The following CRPPA variants were observed in gnomAD, a reference collection of about 807,000 sequenced individuals.
CRPPA encodes CDP-L-ribitol pyrophosphorylase A.
Under a neutral mutation model 52.0 loss-of-function variants are expected in CRPPA, and 43 were observed. The observed-to-expected ratio is 0.83, with a 90% confidence interval of 0.65 to 1.07. The LOEUF is 1.07. Among genes scored for constraint, CRPPA ranks in the 50% least tolerant of loss-of-function variants. The pLI is 0.00. For synonymous variants in CRPPA, 250 were observed against 203.5 expected, an observed-to-expected ratio of 1.23 and a Z score of -1.94; for missense variants, 629 against 551.7, an observed-to-expected ratio of 1.14 and a Z score of -1.40.
intron 9 of CRPPA, among the ~76,000 whole-genome samples, chr7:16,160,209 G>A (rs1213562414): frequency 6.6e-6 from 1 of 152,112 alleles, no homozygotes; most frequent in Admixed American, 6.6e-5. Context: ...TCTTGCCATT[G>A]CTTTTGGTGT....
intron 9 of CRPPA, among the ~76,000 whole-genome samples, chr7:16,142,349 G>A (rs1782889972): frequency 6.6e-6 from 1 of 151,932 alleles, no homozygotes; most frequent in African/African-American, 2.4e-5. Context: ...CCCTCTCTCT[G>A]CCCACCTAAC....
chr7:16,373,273 G>A (rs1786797429), intron 3 of CRPPA, among the ~76,000 whole-genome samples: 2 of 151,986 alleles, frequency 1.3e-5, no homozygotes, highest in African/African-American at 2.4e-5. Flanking sequence ...TCTAGCCTGG[G>A]CAACAAGAGC....
chr7:16,298,974 C>G (rs1192958937), intron 5 of CRPPA, among the ~76,000 whole-genome samples: 1 of 152,222 alleles, frequency 6.6e-6, no homozygotes, highest in Non-Finnish European at 1.5e-5. Context: ...ACTGGCTTTC[C>G]TGGGCCTCCA....
intron 9 of CRPPA, among the ~76,000 whole-genome samples, chr7:16,093,287 C>T (rs1266896555): frequency 3.3e-5 from 5 of 152,138 alleles, no homozygotes; most frequent in Admixed American, 6.6e-5. Context: ...ACATATCACC[C>T]TTTTAGTTGA....
chr7:16,328,591 T>C (rs969055474), intron 3 of CRPPA, among the ~76,000 whole-genome samples: 1 of 152,158 alleles, frequency 6.6e-6, no homozygotes, highest in Non-Finnish European at 1.5e-5. Flanking sequence ...CTTGGCTCAC[T>C]GCAACCTCCG....
chr7:16,191,054 A>G (rs1422619452), intron 9 of CRPPA, among the ~76,000 whole-genome samples: 4 of 152,108 alleles, frequency 2.6e-5, no homozygotes, highest in African/African-American at 9.7e-5. Context: ...TGCTGGTTCC[A>G]TAATTGGAAA....
intron 3 of CRPPA, among the ~76,000 whole-genome samples, chr7:16,370,972 A>G (rs1414003742): frequency 1.3e-5 from 2 of 152,166 alleles, no homozygotes; most frequent in Non-Finnish European, 1.5e-5. Context: ...GAACATCAAC[A>G]TTCCTACAGA....
intron 2 of CRPPA, among the ~76,000 whole-genome samples, chr7:16,398,024 C>T (rs1787659490): frequency 6.6e-6 from 1 of 152,222 alleles, no homozygotes; most frequent in South Asian, 2.1e-4. Flanking sequence ...GACACATGAT[C>T]AACACGTAAT....
chr7:16,223,896 T>C (rs1264054966), intron 8 of CRPPA, among the ~76,000 whole-genome samples: 1 of 152,176 alleles, frequency 6.6e-6, no homozygotes, highest in Non-Finnish European at 1.5e-5. Flanking sequence ...TTTTGTCTTT[T>C]TGTACCATTC....
intron 1 of CRPPA, among the ~76,000 whole-genome samples, chr7:16,407,832 C>T (rs1787990143): frequency 6.6e-6 from 1 of 152,122 alleles, no homozygotes; most frequent in Non-Finnish European, 1.5e-5. Flanking sequence ...ATCGGCCGGG[C>T]ATGGTGGCTC....
chr7:16,265,804 T>C (rs1178085976), intron 6 of CRPPA, among the ~76,000 whole-genome samples: 1 of 152,212 alleles, frequency 6.6e-6, no homozygotes, highest in Non-Finnish European at 1.5e-5. Context: ...AACTGCATAG[T>C]ACACCTATGC....
chr7:16,206,888 T>A (rs541083599), intron 9 of CRPPA, among the ~76,000 whole-genome samples: 1 of 152,132 alleles, frequency 6.6e-6, no homozygotes, highest in African/African-American at 2.4e-5. Flanking sequence ...TCACTTTCCA[T>A]TCAGTAAGAG....
chr7:16,154,006 T>C (rs1002060891), intron 9 of CRPPA, among the ~76,000 whole-genome samples: 2 of 151,028 alleles, frequency 1.3e-5, no homozygotes, highest in Non-Finnish European at 2.9e-5. Context: ...AGGAAAGCCT[T>C]TCATTGAACA....
intron 9 of CRPPA, among the ~76,000 whole-genome samples, chr7:16,203,487 G>A (rs960409314): frequency 2.0e-5 from 3 of 152,118 alleles, no homozygotes; most frequent in Admixed American, 6.5e-5. Flanking sequence ...TGGGATAGAG[G>A]CATTCTCTTT....
chr7:16,090,495 G>A lies in CRPPA; in HGVS notation c.*1200C>T, dbSNP rs1295612863. 3.4e-5 allele frequency: 5 copies of A among 146,186 alleles called. No individual in the cohort carries two copies. The highest frequency in any genetic ancestry group is 7.4e-5 in the Non-Finnish European group (5 of 67,334). 9.1% of individuals were successfully genotyped at this position (146,186 alleles called of 1,614,324 possible). ...GAGGCAGGCAGATCACTTGAGGTCA[G>A]GAGTTCAAGACCAGCCTGGCCTACA... is the stretch of plus-strand genomic sequence containing the variant. On this transcript the variant is annotated 3_prime_UTR_variant, in exon 10 of 10. Transcript: ENST00000407010.
At chr7:16,210,177 T>A (rs1427780342) in intron 9 of CRPPA, among the ~76,000 whole-genome samples, 1 of 152,218 alleles carries the variant, frequency 6.6e-6, no homozygotes, top group Non-Finnish European at 1.5e-5. Context: ...GATACATGTA[T>A]ATAATTTGTA....
At chr7:16,348,385 C>T (rs1476388597) in intron 3 of CRPPA, among the ~76,000 whole-genome samples, 1 of 152,098 alleles carries the variant, frequency 6.6e-6, no homozygotes, top group Non-Finnish European at 1.5e-5. Context: ...GGGCTTAATC[C>T]CCTGAGAGTA....
At position 16,308,719 on chromosome 7, in the gene CRPPA, G is replaced by A. The variant is rs1472782436; in HGVS notation, c.685-92C>T. On this transcript the variant is annotated intron_variant, in intron 3 of 9. Transcript: ENST00000407010. ...ATTTCATAATCCATTGCAAACAAAG[G>A]AAGGGCCTAGGGGGCTCAAACTATT... 1.9e-5 allele frequency: 15 copies of A among 780,682 alleles called. No individual in the cohort carries two copies. In the Middle Eastern group the frequency reaches 1.1e-3, roughly 59 times the overall value. 48.4% of individuals were successfully genotyped at this position (780,682 alleles called of 1,614,324 possible).
chr7:16,199,364 A>G (rs1409966780), intron 9 of CRPPA, among the ~76,000 whole-genome samples: 1 of 152,184 alleles, frequency 6.6e-6, no homozygotes, highest in Non-Finnish European at 1.5e-5. Flanking sequence ...TTTATCTTTA[A>G]TAGTAGTTAA....
Sources: allele counts gnomAD v4.1 joint callset (sites outside exome capture counted in the v4.1 genomes callset), GRCh38; gene constraint gnomAD v4.1.1; transcripts MANE v1.5; gene names NCBI Gene and HGNC (gene_info 2026-07-23, HGNC 2026-07-21).